PAK1: variants seen among roughly 807,000 people sequenced by gnomAD.
The protein encoded by PAK1 is serine/threonine-protein kinase PAK 1.
In PAK1, 29 loss-of-function variants were observed where a neutral mutation model predicts 67.4. The observed-to-expected ratio is 0.43, with a 90% confidence interval of 0.32 to 0.59. The LOEUF is 0.59. Ranked by LOEUF, PAK1 falls within the 20% of genes least tolerant of loss-of-function variation. The pLI, the probability that PAK1 is intolerant of heterozygous loss-of-function variation, is 0.07. For synonymous variants in PAK1, 223 were observed against 237.4 expected, an observed-to-expected ratio of 0.94 and a Z score of 0.56; for missense variants, 337 against 670.7, an observed-to-expected ratio of 0.50 and a Z score of 5.50.
At chr11:77,526,542 C>A in the PAK1 span, among the ~76,000 whole-genome samples, 1 of 152,054 alleles carries the variant, frequency 6.6e-6, no homozygotes, top group Non-Finnish European at 1.5e-5. Context: ...AAATGCAGAA[C>A]AATATTATAT....
chr11:77,482,236 G>A, the PAK1 span, among the ~76,000 whole-genome samples: 1 of 152,116 alleles, frequency 6.6e-6, no homozygotes, highest in Non-Finnish European at 1.5e-5. Context: ...TAATCCGCCA[G>A]CCTCAGCTTC....
the PAK1 span, among the ~76,000 whole-genome samples, chr11:77,523,480 C>T: frequency 6.7e-6 from 1 of 149,760 alleles, no homozygotes; most frequent in Non-Finnish European, 1.5e-5. Context: ...AGTGCAGTGA[C>T]GCGATCTCAG....
intron 9 of PAK1, among the ~76,000 whole-genome samples, chr11:77,348,167 G>A (rs1327863704): frequency 6.6e-6 from 1 of 152,106 alleles, no homozygotes; most frequent in African/African-American, 2.4e-5. Context: ...CAAAAATATA[G>A]AAGCACGTTT....
intron 6 of PAK1, among the ~76,000 whole-genome samples, chr11:77,356,528 G>C (rs1356342451): frequency 6.6e-6 from 1 of 152,104 alleles, no homozygotes; most frequent in Admixed American, 6.6e-5. Context: ...CTTTGGGCAG[G>C]TTACTTAACT....
At chr11:77,331,509 A>G (rs1293770139) in intron 14 of PAK1, among the ~76,000 whole-genome samples, 1 of 152,176 alleles carries the variant, frequency 6.6e-6, no homozygotes, top group Non-Finnish European at 1.5e-5. Flanking sequence ...ACTGGAAACC[A>G]TCATTCTCAG....
At chr11:77,517,028 AAACT>A in the PAK1 span, among the ~76,000 whole-genome samples, 1 of 152,092 alleles carries the variant, frequency 6.6e-6, no homozygotes, top group African/African-American at 2.4e-5. Flanking sequence ...AAAAATAAAT[AAACT>A]AACTAAAGAA....
chr11:77,461,939 A>G (rs1957365313), intron 1 of PAK1, among the ~76,000 whole-genome samples: 2 of 152,236 alleles, frequency 1.3e-5, no homozygotes, highest in South Asian at 4.1e-4. Context: ...TCTCAGTCCA[A>G]TGCCATTTTT....
At chr11:77,498,689 T>G in the PAK1 span, among the ~76,000 whole-genome samples, 1 of 131,938 alleles carries the variant, frequency 7.6e-6, no homozygotes, top group Admixed American at 9.5e-5. Context: ...CCCTTGCTTG[T>G]AATTTTTTTT....
chr11:77,340,568 C>G, intron 11 of PAK1, 78 bp downstream of exon 11: 1 of 781,378 alleles, frequency 1.3e-6, no homozygotes, highest in Admixed American at 1.7e-5. Flanking sequence ...AGGCTGAGAT[C>G]TCACTGTACA....
rs558125789 is a variant in PAK1 at position 77,443,743 on chromosome 11, C to G, written c.-22+29809G>C. On this transcript the variant is annotated intron_variant, in intron 1 of 14. Coordinates refer to ENST00000356341, the MANE Select transcript of PAK1 (RefSeq NM_002576.5). ...CCAAGGGATCTCGAAGTATCCAAAACAGAAGGCATTCAGGTACAACTTAAT... is the reference window on the plus strand; with the variant it reads ...CCAAGGGATCTCGAAGTATCCAAAAGAGAAGGCATTCAGGTACAACTTAAT... Among the ~76,000 whole-genome samples, 101 of 152,144 alleles carry G rather than the reference C, an allele frequency of 6.6e-4. 1 individual carries two copies. Among genetic ancestry groups the G allele is most frequent in the African/African-American group, 2.4e-3 (98 of 41,468 alleles).
chr11:77,519,723 C>T, the PAK1 span, among the ~76,000 whole-genome samples: 1 of 152,096 alleles, frequency 6.6e-6, no homozygotes, highest in African/African-American at 2.4e-5. Flanking sequence ...AGTTGGTCAC[C>T]TGGAAATGTA....
At chr11:77,366,695 C>T (rs2136786448) in intron 5 of PAK1, among the ~76,000 whole-genome samples, 1 of 152,242 alleles carries the variant, frequency 6.6e-6, no homozygotes, top group Middle Eastern at 3.4e-3. Flanking sequence ...AGACAGACAA[C>T]AACAGGGACA....
At chr11:77,497,247 G>T in the PAK1 span, among the ~76,000 whole-genome samples, 3 of 152,212 alleles carry the variant, frequency 2.0e-5, no homozygotes, top group East Asian at 5.8e-4. Flanking sequence ...AGGCACTAGA[G>T]GTATGGAGAT....
At chr11:77,401,716 C>A (rs917865111) in intron 1 of PAK1, among the ~76,000 whole-genome samples, 1 of 152,186 alleles carries the variant, frequency 6.6e-6, no homozygotes, top group Non-Finnish European at 1.5e-5. Context: ...CAAGGCCCAA[C>A]CTGACTCACT....
At chr11:77,419,117 TAA>T (rs907068290) in intron 1 of PAK1, among the ~76,000 whole-genome samples, 1 of 152,230 alleles carries the variant, frequency 6.6e-6, no homozygotes, top group Non-Finnish European at 1.5e-5. Flanking sequence ...GAAACTTGGC[TAA>T]GTTTAGTTCC....
chr11:77,358,829 G>A (rs1946391120), intron 6 of PAK1, 69 bp downstream of exon 6: 2 of 1,522,080 alleles, frequency 1.3e-6, no homozygotes, highest in Admixed American at 1.7e-5. Flanking sequence ...CTAGGTATCA[G>A]CACCAACTCC....
intron 14 of PAK1, among the ~76,000 whole-genome samples, chr11:77,332,509 G>A (rs1282836297): frequency 6.6e-6 from 1 of 151,168 alleles, no homozygotes; most frequent in East Asian, 2.0e-4. Context: ...ATTGTAAACT[G>A]AGCCTAGGAG....
At chr11:77,523,714 G>A in the PAK1 span, among the ~76,000 whole-genome samples, 8 of 152,088 alleles carry the variant, frequency 5.3e-5, no homozygotes, top group Admixed American at 2.0e-4. Context: ...CACCACACCC[G>A]GCCTCTTCAT....
At chr11:77,368,139 T>C (rs916887268) in intron 5 of PAK1, among the ~76,000 whole-genome samples, 5 of 152,212 alleles carry the variant, frequency 3.3e-5, no homozygotes, top group Admixed American at 1.3e-4. Context: ...CAAAGCTCCC[T>C]GCAGTATAAA....
Sources: allele counts gnomAD v4.1 joint callset (sites outside exome capture counted in the v4.1 genomes callset), GRCh38; gene constraint gnomAD v4.1.1; transcripts MANE v1.5; gene names NCBI Gene and HGNC (gene_info 2026-07-23, HGNC 2026-07-21).